Variants in ARHGAP17 observed in about 807,000 individuals in gnomAD.
The protein encoded by ARHGAP17 is Rho GTPase activating protein 17.
ARHGAP17 carries 57 observed loss-of-function variants against 99.5 expected under a neutral mutation model. The observed-to-expected ratio is 0.57, with a 90% CI of 0.46 to 0.71. The LOEUF (loss-of-function observed/expected upper bound fraction) is 0.71, where lower values mean the gene tolerates loss of function less well. Ranked by LOEUF, ARHGAP17 falls within the 30% of genes least tolerant of loss-of-function variation. ARHGAP17 has a pLI of 0.00. For missense variants in ARHGAP17, 1,000 were observed against 1,122.4 expected, an observed-to-expected ratio of 0.89 and a Z score of 1.56; for synonymous variants, 417 against 429.6, an observed-to-expected ratio of 0.97 and a Z score of 0.36.
chr16:24,965,979 C>A (rs530193855), intron 6 of ARHGAP17, among the ~76,000 whole-genome samples: 4 of 152,266 alleles, frequency 2.6e-5, no homozygotes, highest in African/African-American at 9.6e-5. Flanking sequence ...ATTAAGTGAA[C>A]AAGACCATGA....
rs76486044 is a variant in ARHGAP17 at position 24,983,716 on chromosome 16, T to C, written c.54-4711A>G. Among the ~76,000 whole-genome samples the C allele has an allele frequency of 1.4e-4, 21 of 152,344 alleles. No individual in the cohort carries two copies. In the East Asian group the frequency reaches 2.7e-3, roughly 20 times the overall value. On this transcript the variant is annotated intron_variant, in intron 1 of 19. Transcript: ENST00000289968. ...TTCTGGGCTTGAAAACACACTTGAA[T>C]GTTTCCTGTCTGCAACTGGAAAAAC... is the stretch of plus-strand genomic sequence containing the variant.
intron 1 of ARHGAP17, among the ~76,000 whole-genome samples, chr16:24,995,198 T>G (rs1446410146): frequency 2.6e-5 from 4 of 152,214 alleles, no homozygotes; most frequent in African/African-American, 9.6e-5. Flanking sequence ...TTATGGGAAC[T>G]ACAATTCAAG....
intron 6 of ARHGAP17, among the ~76,000 whole-genome samples, chr16:24,966,547 C>T (rs768045577): frequency 2.6e-4 from 40 of 152,038 alleles, no homozygotes; most frequent in Non-Finnish European, 3.7e-4. Flanking sequence ...ACAGGAGTAT[C>T]GCTTGAACCC....
At chr16:24,949,335 T>C in intron 13 of ARHGAP17, 69 bp downstream of exon 13, 2 of 1,289,882 alleles carry the variant, frequency 1.6e-6, no homozygotes, top group East Asian at 4.7e-5. Context: ...ATGCCTGAAT[T>C]AAATGACTTC....
At chr16:25,001,963 C>A (rs1049838165) in intron 1 of ARHGAP17, among the ~76,000 whole-genome samples, 1 of 151,962 alleles carries the variant, frequency 6.6e-6, no homozygotes, top group Non-Finnish European at 1.5e-5. Flanking sequence ...CACCTATAAT[C>A]CCAGCTACTG....
At chr16:25,012,427 C>T (rs1207573374) in intron 1 of ARHGAP17, among the ~76,000 whole-genome samples, 1 of 152,212 alleles carries the variant, frequency 6.6e-6, no homozygotes, top group Non-Finnish European at 1.5e-5. Flanking sequence ...ACCTAGAATT[C>T]CACAAATTGA....
intron 1 of ARHGAP17, among the ~76,000 whole-genome samples, chr16:25,003,230 C>CT (rs564573463): frequency 0.28 from 25,104 of 90,080 alleles, 5,470 homozygotes; most frequent in Non-Finnish European, 0.39. Context: ...AGCTTTAAAG[C>CT]TTTTTTTTTT....
At chr16:24,996,840 C>G (rs1464651160) in intron 1 of ARHGAP17, among the ~76,000 whole-genome samples, 1 of 151,746 alleles carries the variant, frequency 6.6e-6, no homozygotes, top group Non-Finnish European at 1.5e-5. Flanking sequence ...AATCCCAGTA[C>G]TTTGGAAGGC....
intron 19 of ARHGAP17, among the ~76,000 whole-genome samples, chr16:24,921,829 T>C (rs1330062119): frequency 6.6e-6 from 1 of 152,212 alleles, no homozygotes; most frequent in Non-Finnish European, 1.5e-5. Flanking sequence ...AATGACACTG[T>C]GCAGAACTGC....
At chr16:24,936,829 T>C (rs917226467) in intron 17 of ARHGAP17, 3 of 151,244 alleles carry the variant, frequency 2.0e-5, no homozygotes, top group Non-Finnish European at 4.4e-5. Context: ...AATGAAAATA[T>C]GTAAATTGGC....
chr16:25,005,518 C>A (rs1270798882), intron 1 of ARHGAP17, among the ~76,000 whole-genome samples: 1 of 152,204 alleles, frequency 6.6e-6, no homozygotes. Context: ...ATAGATAAAA[C>A]TGGTTACATT....
At chr16:24,944,073 C>T (rs1278727426) in intron 14 of ARHGAP17, among the ~76,000 whole-genome samples, 5 of 151,962 alleles carry the variant, frequency 3.3e-5, no homozygotes, top group African/African-American at 1.2e-4. Flanking sequence ...GAGATCGAGA[C>T]AATCCTGGCC....
chr16:24,975,751 A>C (rs563500379), intron 3 of ARHGAP17, among the ~76,000 whole-genome samples: 2 of 152,302 alleles, frequency 1.3e-5, no homozygotes, highest in African/African-American at 4.8e-5. Flanking sequence ...TGTGTCACCG[A>C]AACTGTCACT....
chr16:24,964,353 T>A (rs368476814), intron 6 of ARHGAP17, 45 bp from the exon 7 acceptor site: 6 of 1,323,322 alleles, frequency 4.5e-6, no homozygotes, highest in Admixed American at 3.7e-5. Flanking sequence ...CAGCTGTGTA[T>A]ACTCAACAGC....
intron 18 of ARHGAP17, among the ~76,000 whole-genome samples, chr16:24,932,964 T>C (rs2051036578): frequency 6.6e-6 from 1 of 152,226 alleles, no homozygotes; most frequent in Admixed American, 6.5e-5. Flanking sequence ...ATGCACATTA[T>C]AATTTATATA....
intron 9 of ARHGAP17, chr16:24,956,745 T>C (rs1389300200): frequency 1.3e-5 from 2 of 152,260 alleles, no homozygotes; most frequent in Non-Finnish European, 2.9e-5. Context: ...GAAATCAGAA[T>C]TGTTACATCA....
intron 19 of ARHGAP17, among the ~76,000 whole-genome samples, chr16:24,928,587 A>C (rs1597358476): frequency 6.6e-6 from 1 of 152,298 alleles, no homozygotes; most frequent in East Asian, 1.9e-4. Flanking sequence ...AAATTGTGGA[A>C]TCGCACCCGG....
intron 12 of ARHGAP17, among the ~76,000 whole-genome samples, chr16:24,951,963 G>C (rs956424274): frequency 6.6e-6 from 1 of 152,170 alleles, no homozygotes; most frequent in African/African-American, 2.4e-5. Context: ...CCACGGGTCA[G>C]TATGACCCCT....
rs758015939 is a variant in ARHGAP17, at chr16:24,952,358, G to T, written c.977C>A (p.Ser326Tyr). The T allele has an allele frequency of 3.0e-5, 49 of 1,612,804 alleles. No individual in the cohort carries two copies. The highest frequency in any genetic ancestry group is 2.5e-6 in the Non-Finnish European group (3 of 1,179,434). Reference protein sequence around the residue: ...DPHAVAGALKSYLRELPEPLM... With the variant: ...DPHAVAGALKYYLRELPEPLM... ...AGGTTCAGGCAATTCCCGTAAATAG[G>T]ATTTTAAAGCACCTGAAATCATTAA... is the stretch of plus-strand genomic sequence containing the variant. Residue 326 changes from serine (S) to tyrosine (Y), a missense_variant, in exon 12 of 20, where the codon TCC (serine) becomes TAC (tyrosine). Transcript: ENST00000289968.
Sources: gnomAD v4.1 joint callset for allele counts (sites outside exome capture counted in the v4.1 genomes callset) on GRCh38, gnomAD v4.1.1 for gene constraint, MANE v1.5 for transcripts, NCBI Gene and HGNC (gene_info 2026-07-23, HGNC 2026-07-21) for gene names.